Variants in FBXL5 observed in about 807,000 individuals in gnomAD.
The protein encoded by FBXL5 is F-box and leucine rich repeat protein 5, also known as F-box/LRR-repeat protein 5.
FBXL5 carries 26 observed loss-of-function variants against 78.3 expected under a neutral mutation model. The observed-to-expected ratio is 0.33, with a 90% CI of 0.24 to 0.46. The LOEUF is 0.46. Among genes scored for constraint, FBXL5 ranks in the 20% least tolerant of loss-of-function variants. FBXL5 has a pLI of 1.00. For synonymous variants in FBXL5, 295 were observed against 282.5 expected, an observed-to-expected ratio of 1.04 and a Z score of -0.45; for missense variants, 710 against 829.2, an observed-to-expected ratio of 0.86 and a Z score of 1.77.
intron 1 of FBXL5, among the ~76,000 whole-genome samples, chr4:15,654,196 G>A (rs1444004923): frequency 6.6e-6 from 1 of 152,170 alleles, no homozygotes; most frequent in Non-Finnish European, 1.5e-5. Flanking sequence ...TGCAATTTCT[G>A]AGAATTCCTA....
At chr4:15,632,907 T>C (rs1195853553) in intron 5 of FBXL5, among the ~76,000 whole-genome samples, 4 of 152,166 alleles carry the variant, frequency 2.6e-5, no homozygotes, top group Non-Finnish European at 5.9e-5. Flanking sequence ...TTCTTTCTCC[T>C]GCCTGATTGC....
intron 9 of FBXL5, among the ~76,000 whole-genome samples, chr4:15,621,196 T>C (rs1712441098): frequency 6.6e-6 from 1 of 152,162 alleles, no homozygotes; most frequent in Admixed American, 6.5e-5. Flanking sequence ...TGGCACGACC[T>C]TATATGTAGA....
At chr4:15,638,723 A>C in intron 3 of FBXL5, 29 bp from the exon 4 acceptor site, 1 of 1,414,544 alleles carries the variant, frequency 7.1e-7, no homozygotes, top group Non-Finnish European at 9.8e-7. Context: ...TCACGAGGAA[A>C]GATGCTTCAT....
intron 5 of FBXL5, among the ~76,000 whole-genome samples, chr4:15,634,460 G>A (rs529263337): frequency 6.3e-4 from 96 of 152,042 alleles, no homozygotes; most frequent in Non-Finnish European, 1.2e-3. Flanking sequence ...CTGCCTCCCG[G>A]GTTCAAGCAA....
upstream of FBXL5, among the ~76,000 whole-genome samples, chr4:15,655,901 G>A (rs1487108911): frequency 1.3e-5 from 2 of 152,216 alleles, no homozygotes; most frequent in African/African-American, 4.8e-5. Flanking sequence ...CCCACCCAGC[G>A]GTTGGTGAAC....
chr4:15,662,239 A>C (rs534428797), upstream of FBXL5, among the ~76,000 whole-genome samples: 1 of 152,190 alleles, frequency 6.6e-6, no homozygotes, highest in Non-Finnish European at 1.5e-5. Flanking sequence ...CTGGTTTGAC[A>C]GCTCTACTTT....
chr4:15,655,373 C>G, upstream of FBXL5: 3 of 1,107,894 alleles, frequency 2.7e-6, no homozygotes, highest in Non-Finnish European at 3.3e-6. Flanking sequence ...CGGCGCGCCC[C>G]CTTGCGCATG....
intron 1 of FBXL5, among the ~76,000 whole-genome samples, chr4:15,678,328 C>T (rs756066568): frequency 6.6e-6 from 1 of 152,058 alleles, no homozygotes; most frequent in Non-Finnish European, 1.5e-5. Flanking sequence ...GGCTTATTTC[C>T]CAATAACTTA....
In FBXL5 at chr4:15,607,694, T is replaced by C. The variant is rs115719249; in HGVS notation, c.2000-1895A>G. On this transcript the variant is annotated intron_variant, in intron 10 of 10. Coordinates refer to ENST00000341285, the MANE Select transcript of FBXL5 (RefSeq NM_012161.4). ...ACCCCTTACACTGCCCACTGTTTTG[T>C]CTACCAATCACCTAGTGCCTCTCCT... is the stretch of plus-strand genomic sequence containing the variant. 2.0e-5 allele frequency among the ~76,000 whole-genome samples: 3 copies of C among 152,110 alleles called. No homozygotes were observed. The East Asian group carries it at 5.8e-4, about 29-fold the overall frequency.
chr4:15,611,267 C>T (rs746323856), intron 10 of FBXL5, among the ~76,000 whole-genome samples: 6 of 152,064 alleles, frequency 3.9e-5, no homozygotes, highest in Non-Finnish European at 8.8e-5. Context: ...TTAAGGAAAA[C>T]CTAATCTCGA....
intron 4 of FBXL5, among the ~76,000 whole-genome samples, chr4:15,637,815 C>T (rs1714442218): frequency 1.3e-5 from 2 of 151,596 alleles, no homozygotes; most frequent in South Asian, 4.1e-4. Flanking sequence ...AAACTCCAAG[C>T]TATTTTAACA....
chr4:15,622,115 A>G (rs1712547676), intron 9 of FBXL5, among the ~76,000 whole-genome samples: 1 of 152,122 alleles, frequency 6.6e-6, no homozygotes, highest in East Asian at 1.9e-4. Flanking sequence ...TTACAGGTGT[A>G]AGCCATCACA....
At chr4:15,636,467 A>G in intron 5 of FBXL5, 27 bp downstream of exon 5, 1 of 1,464,178 alleles carries the variant, frequency 6.8e-7, no homozygotes, top group Non-Finnish European at 9.1e-7. Context: ...AAATACATGA[A>G]AATATTTTAA....
At chr4:15,644,065 T>C (rs1322246585) in intron 2 of FBXL5, among the ~76,000 whole-genome samples, 2 of 152,216 alleles carry the variant, frequency 1.3e-5, no homozygotes, top group South Asian at 2.1e-4. Context: ...TCCTGCTGAA[T>C]TGGTTTAGTG....
At chr4:15,674,332 C>A (rs1717886225) in intron 1 of FBXL5, among the ~76,000 whole-genome samples, 5 of 151,474 alleles carry the variant, frequency 3.3e-5, no homozygotes, top group Admixed American at 2.6e-4. Flanking sequence ...AATTCTTAAC[C>A]CATAAAAACA....
At position 15,636,585 on chromosome 4, in the gene FBXL5, T is replaced by C. The variant is rs773907411; in HGVS notation, c.675A>G (p.Leu225=). ...SIFSYLNPQE[L]CRCSQVSMKW... Reference sequence around the variant, plus strand: ...TCATGCTTACTTGACTGCATCGACATAACTCTTGAGGATTAAGATAGCTGA... The same window carrying C: ...TCATGCTTACTTGACTGCATCGACACAACTCTTGAGGATTAAGATAGCTGA... The change falls in exon 5 of 11, where the codon TTA becomes TTG. Residue 225 remains leucine (L), a synonymous_variant. Coordinates refer to ENST00000341285, the MANE Select transcript of FBXL5 (RefSeq NM_012161.4). 3.7e-6 allele frequency: 6 copies of C among 1,613,964 alleles called. No homozygotes were observed. The highest frequency in any genetic ancestry group is 3.3e-5 in the Admixed American group (2 of 59,998).
At chr4:15,654,570 G>T (rs1431812738) in intron 1 of FBXL5, among the ~76,000 whole-genome samples, 1 of 152,214 alleles carries the variant, frequency 6.6e-6, no homozygotes, top group Non-Finnish European at 1.5e-5. Context: ...AAGTTGCAAG[G>T]AAAACGATAA....
chr4:15,652,766 C>G (rs908615142), intron 1 of FBXL5, among the ~76,000 whole-genome samples: 4 of 152,150 alleles, frequency 2.6e-5, no homozygotes, highest in African/African-American at 9.7e-5. Flanking sequence ...AAAATAGTAA[C>G]TGACTTCTTG....
intron 3 of FBXL5, 123 bp from the exon 4 acceptor site, chr4:15,638,817 T>C: frequency 1.7e-6 from 1 of 604,178 alleles, no homozygotes. Context: ...AAGATAAAAA[T>C]TTTAGCTGTC....
Sources: allele counts gnomAD v4.1 joint callset (sites outside exome capture counted in the v4.1 genomes callset), GRCh38; gene constraint gnomAD v4.1.1; transcripts MANE v1.5; gene names NCBI Gene and HGNC (gene_info 2026-07-23, HGNC 2026-07-21).